REDIC1: variants seen among roughly 807,000 people sequenced by gnomAD.
The protein encoded by REDIC1 is HEI10 Interacting Protein 1.
At chr12:39,711,835 G>GCATGTGTA in the REDIC1 span, among the ~76,000 whole-genome samples, 5 of 7,208 alleles carry the variant, frequency 6.9e-4, no homozygotes, top group Non-Finnish European at 1.9e-3. Flanking sequence ...ATGTGTATAT[G>GCATGTGTA]TGTGTATACA....
At chr12:39,837,552 C>A in the REDIC1 span, among the ~76,000 whole-genome samples, 2 of 143,430 alleles carry the variant, frequency 1.4e-5, no homozygotes, top group Admixed American at 1.4e-4. Context: ...AGTGAACAGG[C>A]AACCTACAAA....
At chr12:39,733,202 T>TA in the REDIC1 span, among the ~76,000 whole-genome samples, 1 of 152,236 alleles carries the variant, frequency 6.6e-6, no homozygotes. Flanking sequence ...TTTAGATTTA[T>TA]AAAAAAGTTG....
chr12:39,827,814 C>G, the REDIC1 span, among the ~76,000 whole-genome samples: 1 of 152,052 alleles, frequency 6.6e-6, no homozygotes, highest in South Asian at 2.1e-4. Flanking sequence ...ATTATATTGA[C>G]AATTCAGAGT....
the REDIC1 span, among the ~76,000 whole-genome samples, chr12:39,699,205 G>A: frequency 2.0e-5 from 3 of 152,320 alleles, no homozygotes; most frequent in South Asian, 6.2e-4. Flanking sequence ...CATCTCACTA[G>A]GGAGTGCCAG....
chr12:39,895,901 C>CATATGTATATACGTGTATATGCACACAT, the REDIC1 span, among the ~76,000 whole-genome samples: 802 of 41,556 alleles, frequency 0.019, 331 homozygotes, highest in Middle Eastern at 0.065. Flanking sequence ...TATGCACACA[C>CATATGTATATACGTGTATATGCACACAT]ATATGTATAT....
the REDIC1 span, among the ~76,000 whole-genome samples, chr12:39,712,461 TAC>T: frequency 7.7e-6 from 1 of 129,396 alleles, no homozygotes; most frequent in Non-Finnish European, 1.7e-5. Flanking sequence ...TACGTATATA[TAC>T]GTATGTATAT....
At chr12:39,766,329 T>C in the REDIC1 span, among the ~76,000 whole-genome samples, 3 of 152,112 alleles carry the variant, frequency 2.0e-5, no homozygotes, top group East Asian at 1.9e-4. Flanking sequence ...ATAAAAGTTA[T>C]GTTCCCATGA....
chr12:39,685,608 A>G, the REDIC1 span, among the ~76,000 whole-genome samples: 1 of 152,138 alleles, frequency 6.6e-6, no homozygotes, highest in Non-Finnish European at 1.5e-5. Flanking sequence ...TTTGGCAGGG[A>G]CATAGATCCA....
At chr12:39,690,915 T>A in the REDIC1 span, among the ~76,000 whole-genome samples, 2 of 152,116 alleles carry the variant, frequency 1.3e-5, no homozygotes, top group Non-Finnish European at 1.5e-5. Context: ...GGTATTGGAG[T>A]GCAGGCCTGC....
At chr12:39,746,661 C>T in the REDIC1 span, among the ~76,000 whole-genome samples, 112,850 of 152,140 alleles carry the variant, frequency 0.74, 43,157 homozygotes, top group Non-Finnish European at 0.84. Flanking sequence ...AGTAGCCTAA[C>T]TGGGAGGGAC....
the REDIC1 span, among the ~76,000 whole-genome samples, chr12:39,673,510 T>A: frequency 6.6e-6 from 1 of 152,262 alleles, no homozygotes; most frequent in East Asian, 1.9e-4. Flanking sequence ...CTCTGCATAA[T>A]CTGGGCCCTT....
chr12:39,868,712 C>T, the REDIC1 span, among the ~76,000 whole-genome samples: 4 of 152,276 alleles, frequency 2.6e-5, no homozygotes, highest in East Asian at 1.9e-4. Flanking sequence ...AGATCCAAAT[C>T]TTCCAATATT....
chr12:39,710,082 G>A, the REDIC1 span, among the ~76,000 whole-genome samples: 1 of 151,662 alleles, frequency 6.6e-6, no homozygotes, highest in African/African-American at 2.4e-5. Context: ...TTTACTAATG[G>A]ATTTTGTGAT....
chr12:39,748,484 C>A, the REDIC1 span, among the ~76,000 whole-genome samples: 3 of 152,162 alleles, frequency 2.0e-5, no homozygotes, highest in African/African-American at 4.8e-5. Context: ...GAGTTTAACA[C>A]CCCACTGTCA....
At chr12:39,838,664 A>G in the REDIC1 span, among the ~76,000 whole-genome samples, 5 of 152,102 alleles carry the variant, frequency 3.3e-5, no homozygotes, top group African/African-American at 1.2e-4. Flanking sequence ...TCTAAGGAAG[A>G]GAAAGGATGG....
the REDIC1 span, among the ~76,000 whole-genome samples, chr12:39,818,226 A>G: frequency 6.6e-6 from 1 of 152,162 alleles, no homozygotes; most frequent in Non-Finnish European, 1.5e-5. Context: ...CCAGTCATGT[A>G]CATCTAAAAC....
the REDIC1 span, among the ~76,000 whole-genome samples, chr12:39,702,589 C>A: frequency 2.0e-5 from 3 of 152,204 alleles, no homozygotes; most frequent in East Asian, 5.8e-4. Flanking sequence ...TTTTATGAGG[C>A]CAGCATCATC....
the REDIC1 span, chr12:39,716,913 C>A: frequency 1.0e-5 from 10 of 968,760 alleles, no homozygotes; most frequent in African/African-American, 1.6e-4. Flanking sequence ...TTTACCTTTA[C>A]CCTATAAAAC....
chr12:39,895,753 T>G, the REDIC1 span, among the ~76,000 whole-genome samples: 1 of 104,436 alleles, frequency 9.6e-6, no homozygotes, highest in African/African-American at 3.6e-5. Flanking sequence ...TGTATATGCG[T>G]GTATACGTAC....
Sources: allele counts gnomAD v4.1 joint callset (sites outside exome capture counted in the v4.1 genomes callset), GRCh38; gene constraint gnomAD v4.1.1; transcripts MANE v1.5; gene names NCBI Gene and HGNC (gene_info 2026-07-23, HGNC 2026-07-21).